The following RBFOX3 variants were observed in gnomAD, a reference collection of about 807,000 sequenced individuals.
RBFOX3 encodes RNA binding protein fox-1 homolog 3.
In RBFOX3, 17 loss-of-function variants were observed where a neutral mutation model predicts 48.7. The observed-to-expected ratio is 0.35, with a 90% CI of 0.24 to 0.52. RBFOX3 has a LOEUF of 0.52. RBFOX3 is among the 20% of genes least tolerant of loss of function. The pLI is 0.94. For missense variants in RBFOX3, 382 were observed against 497.5 expected, an observed-to-expected ratio of 0.77 and a Z score of 2.21; for synonymous variants, 212 against 209.5, an observed-to-expected ratio of 1.01 and a Z score of -0.10.
At chr17:79,289,523 T>C (rs11656213) in intron 3 of RBFOX3, among the ~76,000 whole-genome samples, 73,402 of 152,186 alleles carry the variant, frequency 0.48, 18,121 homozygotes, top group East Asian at 0.62. Flanking sequence ...CTTTTCTGTT[T>C]AAGCCACAGC....
At chr17:79,389,184 C>G (rs2060997880) in intron 2 of RBFOX3, among the ~76,000 whole-genome samples, 2 of 152,198 alleles carry the variant, frequency 1.3e-5, no homozygotes. Context: ...TCCCTCGCTG[C>G]TCTTCCAGGA....
chr17:79,275,063 C>T (rs73408729), intron 3 of RBFOX3, among the ~76,000 whole-genome samples: 4,997 of 149,476 alleles, frequency 0.033, 290 homozygotes, highest in African/African-American at 0.12. Flanking sequence ...CTGTGCTACC[C>T]GGCCTTCCTG....
chr17:79,260,321 G>A (rs1205004355), intron 3 of RBFOX3, among the ~76,000 whole-genome samples: 1 of 152,128 alleles, frequency 6.6e-6, no homozygotes, highest in Non-Finnish European at 1.5e-5. Flanking sequence ...GCCGGCACCT[G>A]CTCCCTGCCA....
intron 4 of RBFOX3, among the ~76,000 whole-genome samples, chr17:79,177,446 G>C (rs2050829271): frequency 6.6e-6 from 1 of 152,210 alleles, no homozygotes; most frequent in Admixed American, 6.5e-5. Flanking sequence ...AGAGGCGGGA[G>C]GCACATTCAT....
chr17:79,512,022 T>G (rs1439856049), intron 1 of RBFOX3, among the ~76,000 whole-genome samples: 1 of 72,764 alleles, frequency 1.4e-5, no homozygotes, highest in Non-Finnish European at 2.7e-5. Context: ...GACGCACACC[T>G]GGATACATGT....
At position 79,115,706 on chromosome 17, in the gene RBFOX3, G is replaced by T. The variant is rs368372440; in HGVS notation, c.10C>A (p.Pro4Thr). The change falls in exon 5 of 15, where the codon CCC (proline) becomes ACC (threonine). Residue 4 changes from proline to threonine, a missense_variant. By Grantham distance (38) the Pro-to-Thr change is conservative. Coordinates refer to ENST00000693108, the MANE Select transcript of RBFOX3 (RefSeq NM_001350451.2). ...GGGGGGTACTGGGCGGGGGGGTAGG[G>T]CTGGGCCATCGCTTCAGGCGGAGCC... MAQ[P>T]YPPAQYPPPP... 7.0e-4 allele frequency: 436 copies of T among 626,078 alleles called. 3 individuals are homozygous for T. In the South Asian group the frequency reaches 7.0e-3, roughly 10 times the overall value. 38.8% of individuals were successfully genotyped at this position (626,078 alleles called of 1,614,324 possible). A position where few individuals can be genotyped will look rare whatever the true frequency, so the allele number is the denominator to read the frequency against.
intron 1 of RBFOX3, among the ~76,000 whole-genome samples, chr17:79,552,516 C>T (rs2091251254): frequency 6.6e-6 from 1 of 152,108 alleles, no homozygotes; most frequent in African/African-American, 2.4e-5. Flanking sequence ...AATGCAAGCT[C>T]CAGTGGGGAA....
chr17:79,323,877 A>C (rs1022326043), intron 2 of RBFOX3, among the ~76,000 whole-genome samples: 6 of 152,246 alleles, frequency 3.9e-5, no homozygotes, highest in African/African-American at 1.2e-4. Context: ...CAGATTGCTT[A>C]CTGTCTAGCT....
At chr17:79,661,910 CA>C in the RBFOX3 span, among the ~76,000 whole-genome samples, 1 of 152,020 alleles carries the variant, frequency 6.6e-6, no homozygotes, top group Non-Finnish European at 1.5e-5. Context: ...CATATGTTGC[CA>C]ATATCTTCTT....
At chr17:79,486,564 C>T (rs2149537508) in intron 1 of RBFOX3, among the ~76,000 whole-genome samples, 1 of 152,298 alleles carries the variant, frequency 6.6e-6, no homozygotes, top group Admixed American at 6.5e-5. Context: ...CACACGAGCA[C>T]AGACGGGCCA....
At chr17:79,618,560 T>C in the RBFOX3 span, among the ~76,000 whole-genome samples, 1 of 152,168 alleles carries the variant, frequency 6.6e-6, no homozygotes, top group African/African-American at 2.4e-5. Flanking sequence ...TGTGTGGATG[T>C]GCTCAGCCGA....
intron 1 of RBFOX3, among the ~76,000 whole-genome samples, chr17:79,610,118 C>T (rs1427398803): frequency 1.3e-5 from 2 of 152,036 alleles, no homozygotes; most frequent in Non-Finnish European, 2.9e-5. Flanking sequence ...GCGCGCCGCT[C>T]GCCCCTCGCT....
chr17:79,469,953 G>A (rs2076858172), intron 2 of RBFOX3, among the ~76,000 whole-genome samples: 1 of 152,142 alleles, frequency 6.6e-6, no homozygotes, highest in East Asian at 1.9e-4. Context: ...ATCGTCTCCA[G>A]CCCATAGCTC....
intron 1 of RBFOX3, among the ~76,000 whole-genome samples, chr17:79,596,932 T>C (rs1198743084): frequency 2.6e-5 from 4 of 152,202 alleles, no homozygotes; most frequent in African/African-American, 9.6e-5. Flanking sequence ...CTTCGCTATG[T>C]TCCGTGTTGA....
the RBFOX3 span, among the ~76,000 whole-genome samples, chr17:79,620,621 A>T: frequency 1.0e-5 from 1 of 97,928 alleles, no homozygotes; most frequent in Admixed American, 1.1e-4. Flanking sequence ...GCACACACGC[A>T]CATGCACACA....
intron 2 of RBFOX3, among the ~76,000 whole-genome samples, chr17:79,353,334 G>C (rs974477305): frequency 1.3e-5 from 2 of 152,080 alleles, no homozygotes; most frequent in African/African-American, 4.8e-5. Flanking sequence ...CCTGAGATCT[G>C]TCAATGACTC....
chr17:79,250,997 C>G (rs935223235), intron 3 of RBFOX3, among the ~76,000 whole-genome samples: 1 of 151,978 alleles, frequency 6.6e-6, no homozygotes, highest in Admixed American at 6.6e-5. Flanking sequence ...TTAGTAGAGA[C>G]GGGGTTTCAC....
intron 2 of RBFOX3, among the ~76,000 whole-genome samples, chr17:79,324,348 G>A (rs902119651): frequency 7.2e-5 from 11 of 152,318 alleles, no homozygotes; most frequent in South Asian, 4.1e-4. Context: ...GCAAATGAGC[G>A]TGGGATGCAG....
chr17:79,532,941 G>T (rs1191036164), intron 1 of RBFOX3, among the ~76,000 whole-genome samples: 3 of 152,228 alleles, frequency 2.0e-5, no homozygotes, highest in Non-Finnish European at 4.4e-5. Context: ...AGCTCTGGCA[G>T]CAGACTTTAC....
Sources: gnomAD v4.1 joint callset for allele counts (sites outside exome capture counted in the v4.1 genomes callset) on GRCh38, gnomAD v4.1.1 for gene constraint, MANE v1.5 for transcripts, NCBI Gene and HGNC (gene_info 2026-07-23, HGNC 2026-07-21) for gene names.